Variants in DSCAM observed in about 807,000 individuals in gnomAD.
DSCAM encodes the protein cell adhesion molecule DSCAM.
In DSCAM, 47 loss-of-function variants were observed where a neutral mutation model predicts 217.7. The ratio of observed to expected loss-of-function variants is 0.22; its 90% confidence interval spans 0.17 to 0.28. The LOEUF (loss-of-function observed/expected upper bound fraction) is 0.28. Among genes scored for constraint, DSCAM ranks in the 10% least tolerant of loss-of-function variants. DSCAM has a pLI of 1.00. For synonymous variants in DSCAM, 1,056 were observed against 1,015.3 expected (o/e 1.04, Z -0.76); for missense variants, 2,080 against 2,618.3 (o/e 0.79, Z 4.49).
intron 3 of DSCAM, among the ~76,000 whole-genome samples, chr21:40,558,256 T>C (rs2076688155): frequency 6.6e-6 from 1 of 151,906 alleles, no homozygotes; most frequent in African/African-American, 2.4e-5. Flanking sequence ...ACCATCCTGG[T>C]TAACACGGTG....
intron 3 of DSCAM, among the ~76,000 whole-genome samples, chr21:40,637,830 G>T (rs1020995283): frequency 1.3e-5 from 2 of 149,738 alleles, no homozygotes; most frequent in Non-Finnish European, 1.5e-5. Flanking sequence ...GCACCACCAC[G>T]CCTGGCTAAT....
chr21:40,753,547 T>C (rs1211385858), intron 1 of DSCAM, among the ~76,000 whole-genome samples: 1 of 152,182 alleles, frequency 6.6e-6, no homozygotes, highest in Non-Finnish European at 1.5e-5. Context: ...ACCACACACA[T>C]TGGTAACAAA....
intron 3 of DSCAM, among the ~76,000 whole-genome samples, chr21:40,499,497 T>G (rs1372658867): frequency 6.6e-6 from 1 of 152,198 alleles, no homozygotes; most frequent in African/African-American, 2.4e-5. Flanking sequence ...CTGTTCTTAT[T>G]TAAGAAGGCA....
chr21:40,326,477 T>G (rs563102323), intron 8 of DSCAM, among the ~76,000 whole-genome samples: 1 of 152,288 alleles, frequency 6.6e-6, no homozygotes, highest in Admixed American at 6.5e-5. Context: ...TTTAAACAAA[T>G]GGGGACGCTA....
intron 11 of DSCAM, among the ~76,000 whole-genome samples, chr21:40,266,583 A>G (rs897386798): frequency 3.4e-5 from 5 of 145,936 alleles, no homozygotes; most frequent in African/African-American, 1.3e-4. Flanking sequence ...ACAATTGCAA[A>G]GATATGGAAT....
At chr21:40,702,712 T>G (rs1003027814) in intron 2 of DSCAM, among the ~76,000 whole-genome samples, 5 of 152,130 alleles carry the variant, frequency 3.3e-5, no homozygotes, top group Admixed American at 1.3e-4. Flanking sequence ...ATTTTCTTCT[T>G]TGTTTTGGAT....
intron 30 of DSCAM, among the ~76,000 whole-genome samples, chr21:40,049,903 G>T (rs1238037921): frequency 1.3e-5 from 2 of 152,114 alleles, no homozygotes; most frequent in Admixed American, 1.3e-4. Context: ...TTTTGTTTTG[G>T]GCTGCTGCTT....
intron 2 of DSCAM, among the ~76,000 whole-genome samples, chr21:40,704,383 C>T (rs144453079): frequency 1.9e-3 from 296 of 151,936 alleles, no homozygotes; most frequent in Non-Finnish European, 3.0e-3. Context: ...CTATCGCTGA[C>T]TAATACTTCA....
At chr21:40,168,685 G>C (rs942146700) in intron 15 of DSCAM, among the ~76,000 whole-genome samples, 1 of 152,150 alleles carries the variant, frequency 6.6e-6, no homozygotes, top group Non-Finnish European at 1.5e-5. Context: ...GAAAAGTAAA[G>C]CTATCTTATA....
intron 3 of DSCAM, among the ~76,000 whole-genome samples, chr21:40,447,826 CGAG>C (rs1381632572): frequency 3.3e-5 from 5 of 152,148 alleles, no homozygotes; most frequent in African/African-American, 1.2e-4. Flanking sequence ...AGCAGCATAA[CGAG>C]GAGGAGCGTG....
intron 11 of DSCAM, among the ~76,000 whole-genome samples, chr21:40,231,043 G>A (rs1448438412): frequency 1.3e-5 from 2 of 149,950 alleles, no homozygotes; most frequent in East Asian, 3.9e-4. Context: ...AGATCATATA[G>A]GTAGGCTGGA....
At chr21:40,739,788 T>A (rs2091104184) in intron 1 of DSCAM, among the ~76,000 whole-genome samples, 2 of 151,860 alleles carry the variant, frequency 1.3e-5, no homozygotes, top group South Asian at 2.1e-4. Context: ...TTAGTTTTTT[T>A]TTTTTTTTCC....
chr21:40,079,573 A>G (rs944998192), intron 25 of DSCAM, among the ~76,000 whole-genome samples: 3 of 152,154 alleles, frequency 2.0e-5, no homozygotes, highest in African/African-American at 7.2e-5. Context: ...ATGGGAGGGA[A>G]GCCTGCAAAG....
intron 32 of DSCAM, among the ~76,000 whole-genome samples, chr21:40,039,873 G>A (rs1386738121): frequency 1.3e-5 from 2 of 152,142 alleles, no homozygotes; most frequent in East Asian, 3.9e-4. Flanking sequence ...AAGCTCTAAA[G>A]TTGAGGAGGA....
chr21:40,721,902 C>G (rs2090904606), intron 1 of DSCAM, among the ~76,000 whole-genome samples: 1 of 151,702 alleles, frequency 6.6e-6, no homozygotes, highest in South Asian at 2.1e-4. Context: ...AAGAAAAAAA[C>G]TTAAAGGCAA....
At chr21:40,231,058 G>T (rs576726296) in intron 11 of DSCAM, among the ~76,000 whole-genome samples, 1 of 151,330 alleles carries the variant, frequency 6.6e-6, no homozygotes, top group African/African-American at 2.4e-5. Context: ...GCTGGAGAGG[G>T]CTGGAGTGGG....
At position 40,362,272 on chromosome 21, in the gene DSCAM, AACTT is replaced by A. The variant is rs538462727; in HGVS notation, c.655+6823_655+6826del. Among the ~76,000 whole-genome samples the A allele has an allele frequency of 8.0e-4, 122 of 152,220 alleles. 1 individual carries two copies. The highest frequency in any genetic ancestry group is 2.8e-3 in the African/African-American group (115 of 41,532). ...CTTTATAGCAGCATATGTACCCTAAAACTTAAAGTATAATAATAATAAAAAAAAA... is the reference window on the plus strand; with the variant it reads ...CTTTATAGCAGCATATGTACCCTAAAAAAGTATAATAATAATAAAAAAAAA... On this transcript the variant is annotated intron_variant, in intron 4 of 32. Coordinates refer to ENST00000400454, the MANE Select transcript of DSCAM (RefSeq NM_001389.5).
At chr21:40,107,766 G>A (rs540699958) in intron 20 of DSCAM, among the ~76,000 whole-genome samples, 6 of 152,192 alleles carry the variant, frequency 3.9e-5, no homozygotes, top group East Asian at 3.9e-4. Flanking sequence ...ATAGGATGAT[G>A]TAAACTTAGG....
intron 1 of DSCAM, among the ~76,000 whole-genome samples, chr21:40,811,689 G>GAGGGT (rs922694702): frequency 5.3e-5 from 8 of 152,210 alleles, no homozygotes; most frequent in Non-Finnish European, 1.0e-4. Context: ...CCTGGAGGCT[G>GAGGGT]AGAGAGCAGT....
Sources: allele counts gnomAD v4.1 joint callset (sites outside exome capture counted in the v4.1 genomes callset), GRCh38; gene constraint gnomAD v4.1.1; transcripts MANE v1.5; gene names NCBI Gene and HGNC (gene_info 2026-07-23, HGNC 2026-07-21).